KCNAB2: variants seen among roughly 807,000 people sequenced by gnomAD.
KCNAB2 encodes the protein potassium voltage-gated channel subfamily A regulatory beta subunit 2, also known as voltage-gated potassium channel subunit beta-2.
Under a neutral mutation model 63.6 loss-of-function variants are expected in KCNAB2, and 29 were observed. The ratio of observed to expected loss-of-function variants is 0.46; its 90% CI spans 0.34 to 0.62. The LOEUF is 0.62. Ranked by LOEUF, KCNAB2 falls within the 20% of genes least tolerant of loss-of-function variation. The pLI is 0.01. For synonymous variants in KCNAB2, 222 were observed against 224.2 expected (o/e 0.99, Z 0.09); for missense variants, 359 against 563.9 (o/e 0.64, Z 3.68).
rs182856833 is a variant in KCNAB2 at position 6,097,415 on chromosome 1, T to C, written c.1158+58T>C. 0.01 allele frequency: 16,241 copies of C among 1,548,070 alleles called. 117 individuals carry two copies. The highest frequency in any genetic ancestry group is 0.012 in the Non-Finnish European group (14,238 of 1,146,886). ...CCATCCCAGCCCGAGCCCCGTCCAG[T>C]GCATCCTCCCAGGCTCGTCCTGCGT... On this transcript the variant is annotated intron_variant, in intron 15 of 15. Coordinates refer to ENST00000378083, the MANE Select transcript of KCNAB2 (RefSeq NM_001199862.2).
In KCNAB2 at chr1:6,005,401, AG is replaced by A. The variant is rs1485676654; in HGVS notation, c.-53+12614del. Among the ~76,000 whole-genome samples, 13 of 51,516 alleles carry A rather than the reference AG, an allele frequency of 2.5e-4. 3 individuals carry two copies. The highest frequency in any genetic ancestry group is 3.9e-4 in the African/African-American group (4 of 10,178). 33.8% of individuals were successfully genotyped at this position (51,516 alleles called of 152,430 possible). On this transcript the variant is annotated intron_variant, in intron 1 of 16. Transcript: ENST00000341524. Reference sequence around the variant, plus strand: ...GGTGAACTGGGGGATGTGGGAGCTGAGCTGAGGGGTGGGGGTGGAGTTGTGG... The same window carrying A: ...GGTGAACTGGGGGATGTGGGAGCTGACTGAGGGGTGGGGGTGGAGTTGTGG...
chr1:6,098,354 T>G lies in KCNAB2; in HGVS notation c.1159-131T>G, dbSNP rs537063530. 28 of 1,472,680 alleles carry G rather than the reference T, an allele frequency of 1.9e-5. No homozygotes were observed. In the South Asian group the frequency reaches 3.9e-4, roughly 21 times the overall value. 91.2% of individuals were successfully genotyped at this position (1,472,680 alleles called of 1,614,324 possible). A position where few individuals can be genotyped will look rare whatever the true frequency, so the allele number is the denominator to read the frequency against. ...CAGCGTGGCCTCCATCTGCCTCAGA[T>G]GGAGCCCAGATGTGATGGGGCAACC... On this transcript the variant is annotated intron_variant, in intron 15 of 15. Transcript: ENST00000378083.
chr1:6,018,039 AG>A (rs1486602868), intron 1 of KCNAB2, among the ~76,000 whole-genome samples: 2 of 152,232 alleles, frequency 1.3e-5, no homozygotes, highest in African/African-American at 4.8e-5. Context: ...GAGCCTTGCA[AG>A]TAGTTGGTAC....
chr1:6,081,099 C>T (rs181056609), intron 4 of KCNAB2, among the ~76,000 whole-genome samples: 1 of 152,350 alleles, frequency 6.6e-6, no homozygotes, highest in Admixed American at 6.5e-5. Context: ...ATGAGTCCCA[C>T]CCCACGACCA....
chr1:6,036,438 G>A (rs764578891), intron 1 of KCNAB2, among the ~76,000 whole-genome samples: 1 of 152,182 alleles, frequency 6.6e-6, no homozygotes, highest in Non-Finnish European at 1.5e-5. Flanking sequence ...AGGAGGCGGA[G>A]GTTGCAGTGA....
At chr1:6,026,807 C>T (rs76513118) in intron 1 of KCNAB2, among the ~76,000 whole-genome samples, 1,675 of 152,330 alleles carry the variant, frequency 0.011, 25 homozygotes, top group African/African-American at 0.037. Context: ...CCATGTGGGG[C>T]CACCTCTGTC....
intron 2 of KCNAB2, among the ~76,000 whole-genome samples, chr1:6,060,517 C>T (rs1040853835): frequency 1.3e-5 from 2 of 152,222 alleles, no homozygotes; most frequent in Non-Finnish European, 2.9e-5. Flanking sequence ...TGGGTGTAAA[C>T]CACACTCCGT....
Position 6,096,720 on chromosome 1 carries a change from G to T in KCNAB2, c.1033G>T (p.Glu345Ter). The change falls in exon 14 of 16, where the codon GAG becomes TAG. Residue 345 changes from glutamate to a stop codon, truncating the protein, a stop_gained. Coordinates refer to ENST00000378083, the MANE Select transcript of KCNAB2 (RefSeq NM_001199862.2). LOFTEE classifies it high-confidence loss of function. This position sits in a 1 kb window ranked among gnomAD's most constrained non-coding sequence, Gnocchi z 5.9. ...GCTGAAGGAGCTGCAGGCCATCGCC[G>T]AGCGCCTGGGCTGCACCCTGCCCCA... ...AKLKELQAIAERLGCTLPQLA... is the reference protein window; with the variant it reads ...AKLKELQAIA 1 of 1,594,728 alleles carries T rather than the reference G, an allele frequency of 6.3e-7. No individual in the cohort carries two copies. Among genetic ancestry groups the T allele is most frequent in the Non-Finnish European group, 8.5e-7 (1 of 1,172,216 alleles).
In KCNAB2 at chr1:6,071,183, C is replaced by T. The variant is rs544323330; in HGVS notation, c.219-1572C>T. Among the ~76,000 whole-genome samples, 8 of 152,284 alleles carry T rather than the reference C, an allele frequency of 5.3e-5. No individual in the cohort carries two copies. Among genetic ancestry groups the T allele is most frequent in the East Asian group, 3.9e-4 (2 of 5,178 alleles). The stretch of plus-strand genomic sequence containing the variant: ...TCAGAATGAGGCTTGAGCCCCATGC[C>T]GCCTTCCCAGGGGCCAGGCTTGGAC... On this transcript the variant is annotated intron_variant, in intron 2 of 15. Coordinates refer to ENST00000378083, the MANE Select transcript of KCNAB2 (RefSeq NM_001199862.2). The surrounding 1 kb of genome is among the most constrained non-coding windows in gnomAD (Gnocchi z 8.5).
rs933098920 is a variant in KCNAB2, at chr1:6,072,889, G to T, written c.262+91G>T. 5.3e-6 allele frequency: 7 copies of T among 1,325,076 alleles called. No individual in the cohort carries two copies. The African/African-American group carries it at 7.2e-5, about 14-fold the overall frequency. The allele number at this position is 1,325,076 out of a possible 1,614,324, so 82.1% of individuals were successfully genotyped here. On this transcript the variant is annotated intron_variant, in intron 3 of 15. Transcript: ENST00000378083. ...AACTGGACACCCCTTGGGAGGCAGG[G>T]TGGCCCAAACCTTGGCACTCCCCAG... is the stretch of plus-strand genomic sequence containing the variant.
At chr1:6,059,116 G>A (rs949066824) in intron 2 of KCNAB2, among the ~76,000 whole-genome samples, 4 of 152,196 alleles carry the variant, frequency 2.6e-5, no homozygotes, top group East Asian at 1.9e-4. Flanking sequence ...CCTTGTAACC[G>A]ACTGATGATG....
intron 6 of KCNAB2, chr1:6,085,798 G>A (rs1440928191): frequency 2.0e-6 from 2 of 977,030 alleles, no homozygotes; most frequent in East Asian, 2.2e-4. Context: ...AAGAGGGTGT[G>A]TGTGGGACCG....
At chr1:6,067,892 A>G (rs1304904273) in intron 2 of KCNAB2, among the ~76,000 whole-genome samples, 1 of 152,160 alleles carries the variant, frequency 6.6e-6, no homozygotes, top group Non-Finnish European at 1.5e-5. Context: ...TTAGCTGGGC[A>G]TGGTGGTGTG....
At chr1:6,058,339 G>A (rs7550693) in intron 2 of KCNAB2, among the ~76,000 whole-genome samples, 6,935 of 152,224 alleles carry the variant, frequency 0.046, 515 homozygotes, top group African/African-American at 0.16. Flanking sequence ...AGGCCCCAAG[G>A]ATTGACTCAA....
intron 5 of KCNAB2, among the ~76,000 whole-genome samples, chr1:6,084,407 A>G (rs1436236441): frequency 6.6e-6 from 1 of 152,240 alleles, no homozygotes; most frequent in African/African-American, 2.4e-5. Flanking sequence ...ACACATGTAT[A>G]CACACACATA....
intron 1 of KCNAB2, chr1:6,027,211 G>A (rs1659248376): frequency 6.5e-6 from 1 of 152,986 alleles, no homozygotes; most frequent in Non-Finnish European, 1.4e-5. Context: ...AAGCCTCCTG[G>A]GGGACACAGT....
chr1:6,075,207 G>A lies in KCNAB2; in HGVS notation c.300+1437G>A, dbSNP rs187925069. Among the ~76,000 whole-genome samples the A allele has an allele frequency of 7.0e-4, 107 of 152,260 alleles. 1 individual carries two copies. The highest frequency in any genetic ancestry group is 3.9e-3 in the South Asian group (19 of 4,830). ...CCAGGATGGGAGAATTCTGTAGAAC[G>A]GCATAACTTCATTTCCAAACAATAT... On this transcript the variant is annotated intron_variant, in intron 4 of 15. Coordinates refer to ENST00000378083, the MANE Select transcript of KCNAB2 (RefSeq NM_001199862.2).
rs1250176612 is a variant in KCNAB2 at position 6,086,862 on chromosome 1, C to G, written c.426-605C>G. ...CCTCCTTTGGTGCCCCCCAAGTTAC[C>G]CCGACCAGGCCGTCCTTATGCCTCC... On this transcript the variant is annotated intron_variant, in intron 6 of 15. Coordinates refer to ENST00000378083, the MANE Select transcript of KCNAB2 (RefSeq NM_001199862.2). This position sits in a 1 kb window ranked among gnomAD's most constrained non-coding sequence, Gnocchi z 4.2. Among the ~76,000 whole-genome samples, 1 of 151,938 alleles carries G rather than the reference C, an allele frequency of 6.6e-6. No homozygotes were observed. The highest frequency in any genetic ancestry group is 1.5e-5 in the Non-Finnish European group (1 of 67,964).
In KCNAB2 at chr1:6,046,203, G is replaced by T. The variant is rs1017569079; in HGVS notation, c.-27+20G>T. On this transcript the variant is annotated intron_variant, in intron 1 of 15. Coordinates refer to ENST00000378083, the MANE Select transcript of KCNAB2 (RefSeq NM_001199862.2). ...AGGCAGGTGAGTCCTCCCTTCAGCC[G>T]CTACCTTCCTAGTGGAGATGCCGCT... 8 of 985,286 alleles carry T rather than the reference G, an allele frequency of 8.1e-6. No homozygotes were observed. In the African/African-American group the frequency reaches 1.4e-4, roughly 17 times the overall value. The allele number at this position is 985,286 out of a possible 1,614,324, so 61.0% of individuals were successfully genotyped here.
Sources: allele counts gnomAD v4.1 joint callset (sites outside exome capture counted in the v4.1 genomes callset), GRCh38; gene constraint gnomAD v4.1.1; non-coding constraint Gnocchi (gnomAD v3.1); transcripts MANE v1.5; gene names NCBI Gene and HGNC (gene_info 2026-07-23, HGNC 2026-07-21).